Variants in LYST observed in about 807,000 individuals in gnomAD.
The protein encoded by LYST is lysosomal trafficking regulator.
A neutral mutation model predicts 413.6 loss-of-function variants in LYST; 192 were observed. The ratio of observed to expected loss-of-function variants is 0.46; its 90% confidence interval spans 0.41 to 0.52. LYST has a LOEUF of 0.52. Ranked by LOEUF, LYST falls within the 20% of genes least tolerant of loss-of-function variation. The pLI is 0.00. For synonymous variants in LYST, 1,525 were observed against 1,567.3 expected, an observed-to-expected ratio of 0.97 and a Z score of 0.64; for missense variants, 3,815 against 4,499.9, an observed-to-expected ratio of 0.85 and a Z score of 4.35.
intron 31 of LYST, chr1:235,737,916 AGTCT>A: frequency 8.6e-7 from 1 of 1,163,406 alleles, no homozygotes; most frequent in Non-Finnish European, 1.1e-6. Flanking sequence ...GCTGCCGACG[AGTCT>A]GGATCTCACT....
In LYST at chr1:235,762,815, A is replaced by C. The variant is rs768532041; in HGVS notation, c.6158T>G (p.Met2053Arg). ...TCCACTGCTGGAATGCCTCAGGTAC[A>C]TGATTGACCGCACTTTCTCCTGAAA... ...KIFQEKVRSI[M>R]YLRHSSSGGR... The change falls in exon 22 of 53, where the codon ATG becomes AGG. Residue 2053 changes from methionine to arginine, a missense_variant. Coordinates refer to ENST00000389793, the MANE Select transcript of LYST (RefSeq NM_000081.4). The C allele has an allele frequency of 6.2e-7, 1 of 1,613,452 alleles. No individual in the cohort carries two copies. The highest frequency in any genetic ancestry group is 8.5e-7 in the Non-Finnish European group (1 of 1,179,622).
At position 235,781,128 on chromosome 1, in the gene LYST, A is replaced by T. The variant is rs2103477031; in HGVS notation, c.5024-73T>A. The stretch of plus-strand genomic sequence containing the variant: ...AATTTTTCATAAAAAGCAAGAAACC[A>T]GGAATTATTTTTTGTAGCCAGATTC... On this transcript the variant is annotated intron_variant, in intron 15 of 52. Transcript: ENST00000389793. The T allele has an allele frequency of 7.5e-6, 7 of 938,198 alleles. No individual in the cohort carries two copies. The South Asian group carries it at 1.0e-4, about 13-fold the overall frequency. 58.1% of individuals were successfully genotyped at this position (938,198 alleles called of 1,614,324 possible).
At chr1:235,672,699 A>T (rs1319044430) in intron 50 of LYST, among the ~76,000 whole-genome samples, 1 of 152,000 alleles carries the variant, frequency 6.6e-6, no homozygotes, top group Non-Finnish European at 1.5e-5. Context: ...AAACTTAATT[A>T]AAAAAAATTA....
At position 235,830,213 on chromosome 1, in the gene LYST, AT is replaced by A; in HGVS notation, c.192+12del. Reference sequence around the variant, plus strand: ...ATATTGATGAAAGTAAGTATTTGATATAAAAATGTTACCTGATCAATTATAG... The same window carrying A: ...ATATTGATGAAAGTAAGTATTTGATAAAAAATGTTACCTGATCAATTATAG... On this transcript the variant is annotated intron_variant, in intron 3 of 52. Transcript: ENST00000389793. 6.3e-7 allele frequency: 1 copy of A among 1,581,092 alleles called. No homozygotes were observed. The highest frequency in any genetic ancestry group is 1.1e-5 in the South Asian group (1 of 90,358).
chr1:235,805,526 T>C (rs1011291135), intron 6 of LYST, among the ~76,000 whole-genome samples: 3 of 151,794 alleles, frequency 2.0e-5, no homozygotes, highest in African/African-American at 7.3e-5. Flanking sequence ...ATTATTCATC[T>C]GACACTTATA....
chr1:235,854,447 G>A lies in LYST; in HGVS notation c.-98+12396C>T, dbSNP rs1323983713. Among the ~76,000 whole-genome samples, 1 of 152,040 alleles carries A rather than the reference G, an allele frequency of 6.6e-6. No individual in the cohort carries two copies. Among genetic ancestry groups the A allele is most frequent in the Non-Finnish European group, 1.5e-5 (1 of 68,030 alleles). The stretch of plus-strand genomic sequence containing the variant: ...CTCTTCCTTCTTCATTCCTCTTTCA[G>A]TAAATGGCCTCTACCCAGTGACTGA... On this transcript the variant is annotated intron_variant, in intron 1 of 52. Coordinates refer to ENST00000389793, the MANE Select transcript of LYST (RefSeq NM_000081.4). The surrounding 1 kb of genome is among the most constrained non-coding windows in gnomAD (Gnocchi z 4.1).
chr1:235,768,239 C>T (rs1455831816), intron 20 of LYST, among the ~76,000 whole-genome samples: 1 of 151,914 alleles, frequency 6.6e-6, no homozygotes, highest in Non-Finnish European at 1.5e-5. Context: ...GGTCTCCCGG[C>T]TTGAAATTTT....
chr1:235,847,683 C>T (rs570706063), intron 1 of LYST, among the ~76,000 whole-genome samples: 16 of 151,878 alleles, frequency 1.1e-4, no homozygotes, highest in South Asian at 2.1e-4. Context: ...CACTCACATA[C>T]GGTAAAGGGG....
chr1:235,767,169 C>T (rs951310201), intron 20 of LYST, among the ~76,000 whole-genome samples: 5 of 152,104 alleles, frequency 3.3e-5, no homozygotes, highest in Admixed American at 6.6e-5. Flanking sequence ...AATTCCATCT[C>T]CCCAGTGGGT....
chr1:235,786,906 G>C (rs954074267), intron 14 of LYST, among the ~76,000 whole-genome samples: 1 of 110,458 alleles, frequency 9.1e-6, no homozygotes, highest in African/African-American at 3.5e-5. Context: ...TCGTGGGGTG[G>C]GGGGAGGGGG....
Position 235,774,975 on chromosome 1 carries a change from G to A in LYST, c.5572C>T (p.Leu1858Phe), listed in dbSNP as rs1196602836. 1 of 1,609,286 alleles carries A rather than the reference G, an allele frequency of 6.2e-7. No individual in the cohort carries two copies. Among genetic ancestry groups the A allele is most frequent in the Non-Finnish European group, 8.5e-7 (1 of 1,177,088 alleles). ...RVHELENCNGLSMIHQVLIKQ... is the reference protein window; with the variant it reads ...RVHELENCNGFSMIHQVLIKQ... ...ATCAACACCTGATGAATCATAGAAA[G>A]TCCATTACAATTTTCTAATTCATGT... The change falls in exon 18 of 53, where the codon CTT (leucine) becomes TTT (phenylalanine). Residue 1858 changes from leucine (L) to phenylalanine (F), a missense_variant. This residue lies in a region of LYST where 530 missense variants were observed against 696.5 expected (regional missense o/e 0.76). Coordinates refer to ENST00000389793, the MANE Select transcript of LYST (RefSeq NM_000081.4).
chr1:235,694,994 A>T (rs979335536), intron 46 of LYST, among the ~76,000 whole-genome samples: 11 of 152,224 alleles, frequency 7.2e-5, no homozygotes, highest in African/African-American at 2.7e-4. Flanking sequence ...TCTTGTGTTA[A>T]CAAGTGACCT....
At chr1:235,796,849 C>T (rs906788722) in intron 10 of LYST, among the ~76,000 whole-genome samples, 2 of 152,150 alleles carry the variant, frequency 1.3e-5, no homozygotes, top group African/African-American at 4.8e-5. Flanking sequence ...TATATCAGCA[C>T]AAATGGGACT....
At chr1:235,758,918 C>T in intron 23 of LYST, 54 bp downstream of exon 23, 2 of 1,569,606 alleles carry the variant, frequency 1.3e-6, no homozygotes, top group South Asian at 2.2e-5. Flanking sequence ...GGTAGAGAGT[C>T]TTTAAAGAAT....
At chr1:235,865,275 C>T (rs988657366) in intron 1 of LYST, among the ~76,000 whole-genome samples, 1 of 152,122 alleles carries the variant, frequency 6.6e-6, no homozygotes, top group African/African-American at 2.4e-5. Context: ...CCCTGGCTGC[C>T]TCTAGTTAAA....
At chr1:235,848,217 A>T (rs560141054) in intron 1 of LYST, among the ~76,000 whole-genome samples, 1 of 152,294 alleles carries the variant, frequency 6.6e-6, no homozygotes, top group African/African-American at 2.4e-5. Flanking sequence ...CTGGAAATCA[A>T]CTCCAAAGGG....
chr1:235,753,424 C>CA lies in LYST; in HGVS notation c.7230-151dup, dbSNP rs1666692316. 4.4e-5 allele frequency: 27 copies of CA among 609,684 alleles called. No individual in the cohort carries two copies. The South Asian group carries it at 5.3e-4, about 12-fold the overall frequency. The allele number at this position is 609,684 out of a possible 1,614,324, so 37.8% of individuals were successfully genotyped here. A position where few individuals can be genotyped will look rare whatever the true frequency, so the allele number is the denominator to read the frequency against. On this transcript the variant is annotated intron_variant, in intron 25 of 52. Coordinates refer to ENST00000389793, the MANE Select transcript of LYST (RefSeq NM_000081.4). ...GATTCTTAACCTGTTTTTAAAATGA[C>CA]AGAGTCCCTCCAATAATAGGGTAAA...
In LYST at chr1:235,805,881, G is replaced by A. The variant is rs766804617; in HGVS notation, c.3255C>T (p.Pro1085=). 9.3e-6 allele frequency: 15 copies of A among 1,613,462 alleles called. No individual in the cohort carries two copies. The East Asian group carries it at 1.3e-4, about 14-fold the overall frequency. The change falls in exon 6 of 53, where the codon CCC becomes CCT. Residue 1085 remains proline, a synonymous_variant. Coordinates refer to ENST00000389793, the MANE Select transcript of LYST (RefSeq NM_000081.4). Reference sequence around the variant, plus strand: ...GACTTGTAAATAGCTTTGCTTCCTCGGGAGCGGCTTCAGTAGCTGAAACTT... The same window carrying A: ...GACTTGTAAATAGCTTTGCTTCCTCAGGAGCGGCTTCAGTAGCTGAAACTT... ...VEEVSATEAA[P]EEAKLFTSQE...
chr1:235,669,824 G>A (rs998026398), intron 50 of LYST, among the ~76,000 whole-genome samples: 2 of 152,090 alleles, frequency 1.3e-5, no homozygotes, highest in African/African-American at 4.8e-5. Context: ...TTGCTTTGCT[G>A]GGCATTTTGT....
Sources: gnomAD v4.1 joint callset for allele counts (sites outside exome capture counted in the v4.1 genomes callset) on GRCh38, gnomAD v4.1.1 for gene constraint, gnomAD v4.1.1 regional missense constraint, Gnocchi (gnomAD v3.1) non-coding constraint, MANE v1.5 for transcripts, NCBI Gene and HGNC (gene_info 2026-07-23, HGNC 2026-07-21) for gene names.